NEGR1: variants seen among roughly 807,000 people sequenced by gnomAD.
NEGR1 encodes neuronal growth regulator 1.
A neutral mutation model predicts 40.9 loss-of-function variants in NEGR1; 10 were observed. The observed-to-expected ratio is 0.24, with a 90% CI of 0.15 to 0.42. The LOEUF (loss-of-function observed/expected upper bound fraction) is 0.42. Among genes scored for constraint, NEGR1 ranks in the 10% least tolerant of loss-of-function variants. The pLI, the probability that NEGR1 is intolerant of heterozygous loss-of-function variation, is 1.00. For synonymous variants in NEGR1, 185 were observed against 166.8 expected (o/e 1.11, Z -0.84); for missense variants, 352 against 438.9 (o/e 0.80, Z 1.77).
intron 1 of NEGR1, among the ~76,000 whole-genome samples, chr1:72,196,595 C>A (rs1374910107): frequency 6.6e-6 from 1 of 151,898 alleles, no homozygotes; most frequent in African/African-American, 2.4e-5. Context: ...TATGGTGAAA[C>A]TCCATCTCTA....
intron 1 of NEGR1, among the ~76,000 whole-genome samples, chr1:72,159,282 TAA>T (rs1651470644): frequency 6.6e-6 from 1 of 152,150 alleles, no homozygotes; most frequent in African/African-American, 2.4e-5. Context: ...TCTATCCTCG[TAA>T]GTTAGTAGAA....
At chr1:71,707,094 TTTGA>T (rs1653926334) in intron 3 of NEGR1, among the ~76,000 whole-genome samples, 1 of 151,290 alleles carries the variant, frequency 6.6e-6, no homozygotes. Flanking sequence ...ATCCAAGTGG[TTTGA>T]TTGAGAGTGC....
At chr1:72,277,701 C>A (rs1050413176) in intron 1 of NEGR1, among the ~76,000 whole-genome samples, 1 of 152,006 alleles carries the variant, frequency 6.6e-6, no homozygotes, top group Non-Finnish European at 1.5e-5. Context: ...AGAAAAAACT[C>A]AGGATTTTAA....
chr1:71,856,254 T>A (rs1433908113), intron 2 of NEGR1, among the ~76,000 whole-genome samples: 1 of 152,036 alleles, frequency 6.6e-6, no homozygotes, highest in African/African-American at 2.4e-5. Flanking sequence ...TATAAGTTTA[T>A]AAGGAGCCAT....
chr1:72,103,918 T>C (rs1045166713), intron 1 of NEGR1, among the ~76,000 whole-genome samples: 1 of 152,058 alleles, frequency 6.6e-6, no homozygotes, highest in Non-Finnish European at 1.5e-5. Context: ...CAGACAAAAT[T>C]TTTAGAAGAT....
rs552521295 is a variant in NEGR1, at chr1:71,612,731, G to A, written c.668-1585C>T. Reference sequence around the variant, plus strand: ...GATGGCAAAACTTGCACAAAGACTAGATGTAAATGAGTGAGTTAGCTATGT... The same window carrying A: ...GATGGCAAAACTTGCACAAAGACTAAATGTAAATGAGTGAGTTAGCTATGT... On this transcript the variant is annotated intron_variant, in intron 4 of 6. Transcript: ENST00000357731. 3.9e-5 allele frequency among the ~76,000 whole-genome samples: 6 copies of A among 152,330 alleles called. No individual in the cohort carries two copies. In the East Asian group the frequency reaches 9.6e-4, roughly 24 times the overall value.
intron 6 of NEGR1, among the ~76,000 whole-genome samples, chr1:71,513,474 ACATGC>A (rs1238213059): frequency 6.6e-6 from 1 of 152,242 alleles, no homozygotes; most frequent in Non-Finnish European, 1.5e-5. Flanking sequence ...GCTAAGGAAT[ACATGC>A]CATTTCCTAA....
chr1:72,268,758 A>G (rs1244912042), intron 1 of NEGR1, among the ~76,000 whole-genome samples: 1 of 151,630 alleles, frequency 6.6e-6, no homozygotes, highest in Admixed American at 6.6e-5. Flanking sequence ...ATATAAATCA[A>G]TGCTGTTGAC....
At chr1:72,143,724 A>C (rs1201187089) in intron 1 of NEGR1, among the ~76,000 whole-genome samples, 2 of 150,214 alleles carry the variant, frequency 1.3e-5, no homozygotes, top group Non-Finnish European at 3.0e-5. Context: ...AGTATAATTT[A>C]AATAATTATT....
chr1:72,178,659 G>T (rs1021881779), intron 1 of NEGR1, among the ~76,000 whole-genome samples: 1 of 151,110 alleles, frequency 6.6e-6, no homozygotes, highest in South Asian at 2.1e-4. Context: ...GTGTATAAGC[G>T]TTCCCTTTTC....
In NEGR1 at chr1:71,959,646, C is replaced by T. The variant is rs576781059; in HGVS notation, c.177-24335G>A. Among the ~76,000 whole-genome samples the T allele has an allele frequency of 5.3e-5, 8 of 152,202 alleles. No homozygotes were observed. The South Asian group carries it at 1.7e-3, about 32-fold the overall frequency. Reference sequence around the variant, plus strand: ...TATTAATCTTCAATTTCATCATCCTCTTTAACAGTTATGTTCCCTGGTAGT... The same window carrying T: ...TATTAATCTTCAATTTCATCATCCTTTTTAACAGTTATGTTCCCTGGTAGT... On this transcript the variant is annotated intron_variant, in intron 1 of 6. Transcript: ENST00000357731.
intron 1 of NEGR1, among the ~76,000 whole-genome samples, chr1:72,059,957 C>T (rs1647150807): frequency 6.6e-6 from 1 of 151,606 alleles, no homozygotes; most frequent in Admixed American, 6.6e-5. Flanking sequence ...CCAAATGCCC[C>T]TCCATGACAG....
intron 6 of NEGR1, among the ~76,000 whole-genome samples, chr1:71,556,062 A>G (rs894368768): frequency 2.6e-5 from 4 of 151,438 alleles, no homozygotes; most frequent in Non-Finnish European, 5.9e-5. Context: ...TGAACTTGGT[A>G]TACTTAGAGA....
intron 1 of NEGR1, among the ~76,000 whole-genome samples, chr1:72,269,978 G>A (rs571484239): frequency 3.8e-4 from 58 of 151,814 alleles, no homozygotes; most frequent in East Asian, 3.1e-3. Flanking sequence ...AGTTGGTGCC[G>A]AGTAAATGCG....
intron 1 of NEGR1, among the ~76,000 whole-genome samples, chr1:72,192,963 A>G (rs1305284078): frequency 6.6e-6 from 1 of 151,726 alleles, no homozygotes; most frequent in Non-Finnish European, 1.5e-5. Context: ...TATTTAACAC[A>G]CTTTAAAAGA....
At chr1:71,991,723 C>A (rs561645742) in intron 1 of NEGR1, among the ~76,000 whole-genome samples, 26 of 152,248 alleles carry the variant, frequency 1.7e-4, no homozygotes, top group African/African-American at 5.5e-4. Context: ...CTTTACAGCC[C>A]CAACCTAACC....
chr1:72,258,521 G>T (rs961184038), intron 1 of NEGR1, among the ~76,000 whole-genome samples: 1 of 151,932 alleles, frequency 6.6e-6, no homozygotes, highest in East Asian at 1.9e-4. Context: ...AGACAAAGAA[G>T]AAAAGAAGAA....
At chr1:71,835,449 G>T (rs1658992859) in intron 2 of NEGR1, among the ~76,000 whole-genome samples, 1 of 152,072 alleles carries the variant, frequency 6.6e-6, no homozygotes, top group African/African-American at 2.4e-5. Flanking sequence ...CAATAAATCA[G>T]ATTTTTTGTT....
chr1:71,643,106 T>G (rs1025057891), intron 4 of NEGR1, among the ~76,000 whole-genome samples: 5 of 152,008 alleles, frequency 3.3e-5, no homozygotes, highest in Admixed American at 2.6e-4. Context: ...GTCAGCCTGA[T>G]GAAGTAGGCA....
Sources: allele counts gnomAD v4.1 joint callset (sites outside exome capture counted in the v4.1 genomes callset), GRCh38; gene constraint gnomAD v4.1.1; transcripts MANE v1.5; gene names NCBI Gene and HGNC (gene_info 2026-07-23, HGNC 2026-07-21).